KMT2C: variants seen among roughly 807,000 people sequenced by gnomAD.
The protein encoded by KMT2C is histone-lysine N-methyltransferase 2C.
KMT2C carries 88 observed loss-of-function variants against 507.9 expected under a neutral mutation model. The ratio of observed to expected loss-of-function variants is 0.17; its 90% confidence interval spans 0.15 to 0.21. The LOEUF (loss-of-function observed/expected upper bound fraction) is 0.21. Among genes scored for constraint, KMT2C ranks in the 10% least tolerant of loss-of-function variants. The probability of loss-of-function intolerance (pLI) is 1.00; values close to 1 mark genes in which losing one functional copy is unlikely to be tolerated. For missense variants in KMT2C, 4,954 were observed against 5,957.8 expected (o/e 0.83, Z 5.55); for synonymous variants, 2,049 against 2,080.8 (o/e 0.98, Z 0.42).
intron 26 of KMT2C, among the ~76,000 whole-genome samples, chr7:152,201,818 G>A (rs1014864450): frequency 1.3e-5 from 2 of 152,046 alleles, no homozygotes; most frequent in Non-Finnish European, 2.9e-5. Context: ...CTGAACTTCT[G>A]AGCATTTCTG....
At position 152,139,297 on chromosome 7, in the gene KMT2C, C is replaced by T. The variant is rs766578138; in HGVS notation, c.14461-38G>A. 3.8e-6 allele frequency: 6 copies of T among 1,578,692 alleles called. No individual in the cohort carries two copies. The East Asian group carries it at 6.7e-5, about 18-fold the overall frequency. ...TCAGTCAGTAAGTCATCAATGTCGA[C>T]CTGAAACTCCCCTCTGTGTTCCTAT... is the stretch of plus-strand genomic sequence containing the variant. On this transcript the variant is annotated intron_variant, in intron 56 of 58. Transcript: ENST00000262189.
chr7:152,298,788 G>A (rs2360875), intron 6 of KMT2C, among the ~76,000 whole-genome samples: 1 of 152,190 alleles, frequency 6.6e-6, no homozygotes, highest in African/African-American at 2.4e-5. Context: ...TTTAATAAAA[G>A]ACAGCAAAAT....
chr7:152,295,062 T>C (rs553107651), intron 6 of KMT2C, among the ~76,000 whole-genome samples: 61 of 152,172 alleles, frequency 4.0e-4, no homozygotes, highest in Non-Finnish European at 7.2e-4. Context: ...TACTTAGACT[T>C]GAAAAAAAAG....
At chr7:152,200,087 A>C (rs2129133541) in intron 26 of KMT2C, among the ~76,000 whole-genome samples, 1 of 152,348 alleles carries the variant, frequency 6.6e-6, no homozygotes, top group African/African-American at 2.4e-5. Flanking sequence ...AAAGGGAAGC[A>C]CAGTTCCACC....
intron 55 of KMT2C, among the ~76,000 whole-genome samples, chr7:152,142,601 G>A (rs373241002): frequency 6.6e-6 from 1 of 152,334 alleles, no homozygotes; most frequent in East Asian, 1.9e-4. Context: ...TACCCCATAG[G>A]AGTGAAACTA....
chr7:152,221,235 C>T (rs1416978989), intron 22 of KMT2C, among the ~76,000 whole-genome samples: 2 of 152,106 alleles, frequency 1.3e-5, no homozygotes, highest in African/African-American at 2.4e-5. Flanking sequence ...CCAGCCTGGG[C>T]GACAGGGCGA....
intron 11 of KMT2C, among the ~76,000 whole-genome samples, 188 bp from the exon 12 acceptor site, chr7:152,251,154 A>G (rs568596976): frequency 2.0e-5 from 3 of 152,326 alleles, no homozygotes; most frequent in Non-Finnish European, 4.4e-5. Flanking sequence ...ATTATAATGC[A>G]TCAAAAGGTG....
chr7:152,221,515 G>T (rs2094770664), intron 22 of KMT2C, among the ~76,000 whole-genome samples: 1 of 152,136 alleles, frequency 6.6e-6, no homozygotes, highest in African/African-American at 2.4e-5. Context: ...GTACAAAACT[G>T]TTGTTCCTTA....
intron 14 of KMT2C, among the ~76,000 whole-genome samples, chr7:152,244,508 C>T (rs867828373): frequency 6.6e-6 from 1 of 151,916 alleles, no homozygotes; most frequent in Non-Finnish European, 1.5e-5. Flanking sequence ...ACAGCAAGAC[C>T]CCCATCTCTA....
Position 152,177,538 on chromosome 7 carries a change from C to G in KMT2C, c.7915G>C (p.Val2639Leu), listed in dbSNP as rs2129114970. Residue 2639 changes from valine (V) to leucine (L), a missense_variant, in exon 38 of 59, where the codon GTC (valine) becomes CTC (leucine). By Grantham distance (32) the Val-to-Leu change is conservative. Coordinates refer to ENST00000262189, the MANE Select transcript of KMT2C (RefSeq NM_170606.3). The stretch of plus-strand genomic sequence containing the variant: ...CTCATGACCATAGAAGATGAATGGA[C>G]AGAATGACCTTGCTCTTGTTGAGAT... The part of the protein sequence containing the change: ...PPSQQEQGHS[V>L]HSSSMVMRTL... 1 of 1,614,168 alleles carries G rather than the reference C, an allele frequency of 6.2e-7. No individual in the cohort carries two copies. The highest frequency in any genetic ancestry group is 8.5e-7 in the Non-Finnish European group (1 of 1,180,036).
intron 6 of KMT2C, among the ~76,000 whole-genome samples, chr7:152,300,439 T>C (rs1177245879): frequency 1.3e-5 from 2 of 152,204 alleles, no homozygotes; most frequent in Admixed American, 1.3e-4. Context: ...ATGACCAGCC[T>C]AGATAAAAAC....
At position 152,176,627 on chromosome 7, in the gene KMT2C, A is replaced by G. The variant is rs2129113361; in HGVS notation, c.8826T>C (p.Thr2942=). The change falls in exon 38 of 59, where the codon ACT becomes ACC. Residue 2942 remains threonine (T), a synonymous_variant. Coordinates refer to ENST00000262189, the MANE Select transcript of KMT2C (RefSeq NM_170606.3). ...CATGATTGGATGGGGAGGCCGGCAG[A>G]GTTGGTGGTGGTGGAGACCCCGATG... is the stretch of plus-strand genomic sequence containing the variant. ...IRPSGSPPPP[T]LPASPSNHVS... is the part of the protein sequence containing the mutation. The G allele has an allele frequency of 6.2e-7, 1 of 1,614,192 alleles. No individual in the cohort carries two copies. The highest frequency in any genetic ancestry group is 1.1e-5 in the South Asian group (1 of 91,092).
rs1278668405 is a variant in KMT2C at position 152,297,051 on chromosome 7, A to AAGAC, written c.849+12911_849+12914dup. On this transcript the variant is annotated intron_variant, in intron 6 of 58. Transcript: ENST00000262189. The stretch of plus-strand genomic sequence containing the variant: ...AAAGAAAGAAAGAAAGAAAGAAAGA[A>AAGAC]AGACAGAGAGAGAGAGAGAGAGAGA... 6.4e-3 allele frequency among the ~76,000 whole-genome samples: 384 copies of AAGAC among 60,196 alleles called. 4 individuals carry two copies. The highest frequency in any genetic ancestry group is 0.01 in the African/African-American group (150 of 14,758). 39.5% of individuals were successfully genotyped at this position (60,196 alleles called of 152,430 possible).
At chr7:152,145,371 T>G in intron 53 of KMT2C, 76 bp from the exon 54 acceptor site, 1 of 1,450,990 alleles carries the variant, frequency 6.9e-7, no homozygotes, top group Non-Finnish European at 9.4e-7. Flanking sequence ...GGTCAAAGGA[T>G]GGCCCACGAC....
At chr7:152,205,639 C>T (rs2094286834) in intron 24 of KMT2C, among the ~76,000 whole-genome samples, 1 of 152,176 alleles carries the variant, frequency 6.6e-6, no homozygotes, top group African/African-American at 2.4e-5. Context: ...TATAATGGAG[C>T]TGAAAAATTC....
intron 1 of KMT2C, among the ~76,000 whole-genome samples, chr7:152,371,482 T>G (rs767217158): frequency 1.3e-5 from 2 of 151,902 alleles, no homozygotes; most frequent in Non-Finnish European, 2.9e-5. Context: ...ACAAACAAAC[T>G]TACAAGAGTC....
chr7:152,181,894 A>G lies in KMT2C; in HGVS notation c.5966T>C (p.Val1989Ala). Residue 1989 changes from valine (V) to alanine (A), a missense_variant, in exon 36 of 59, where the codon GTA becomes GCA. This residue lies in a region of KMT2C where 1,689 missense variants were observed against 1,654.3 expected (regional missense o/e 1.02). Coordinates refer to ENST00000262189, the MANE Select transcript of KMT2C (RefSeq NM_170606.3). ...PKSLGLSRSP[V>A]VSEQTAKGPI... ...GCCTTTTGCAGTTTGTTCTGAAACT[A>G]CAGGAGACCGGGATAGGCCCAAGGA... The G allele has an allele frequency of 3.7e-6, 6 of 1,614,184 alleles. No homozygotes were observed. Among genetic ancestry groups the G allele is most frequent in the Non-Finnish European group, 5.1e-6 (6 of 1,180,026 alleles).
At chr7:152,248,697 T>A in intron 13 of KMT2C, 77 bp from the exon 14 acceptor site, 1 of 819,220 alleles carries the variant, frequency 1.2e-6, no homozygotes, top group Non-Finnish European at 1.9e-6. Context: ...TATAAAACAT[T>A]TGGCTACACT....
At position 152,294,401 on chromosome 7, in the gene KMT2C, C is replaced by T. The variant is rs115595445; in HGVS notation, c.849+15565G>A. Among the ~76,000 whole-genome samples, 905 of 152,272 alleles carry T rather than the reference C, an allele frequency of 5.9e-3. 14 individuals are homozygous for T. Among genetic ancestry groups the T allele is most frequent in the African/African-American group, 0.021 (870 of 41,546 alleles). On this transcript the variant is annotated intron_variant, in intron 6 of 58. Transcript: ENST00000262189. The stretch of plus-strand genomic sequence containing the variant: ...AGGTAACATGACCTGGGGAAGAAGT[C>T]ACTTGACATTAGCTAACAATGTCAG...
Sources: allele counts gnomAD v4.1 joint callset (sites outside exome capture counted in the v4.1 genomes callset), GRCh38; gene constraint gnomAD v4.1.1; regional missense constraint gnomAD v4.1.1; transcripts MANE v1.5; gene names NCBI Gene and HGNC (gene_info 2026-07-23, HGNC 2026-07-21).